CFHR4: variants seen among roughly 807,000 people sequenced by gnomAD.
CFHR4 encodes the protein complement factor H-related protein 4.
CFHR4 carries 64 observed loss-of-function variants against 69.3 expected under a neutral mutation model. The observed-to-expected ratio is 0.92, with a 90% CI of 0.76 to 1.14. CFHR4 has a LOEUF of 1.14. Among genes scored for constraint, CFHR4 ranks in the 50% most tolerant of loss-of-function variants. The probability of loss-of-function intolerance (pLI) is 0.00; values close to 1 mark genes in which losing one functional copy is unlikely to be tolerated. For synonymous variants in CFHR4, 244 were observed against 237.0 expected (o/e 1.03, Z -0.27); for missense variants, 636 against 684.9 (o/e 0.93, Z 0.80).
intron 1 of CFHR4, among the ~76,000 whole-genome samples, chr1:196,893,268 A>C (rs1346383821): frequency 3.3e-5 from 5 of 151,722 alleles, no homozygotes; most frequent in African/African-American, 1.2e-4. Flanking sequence ...ATTTCAAAAC[A>C]CTTACGAAGG....
intron 1 of CFHR4, among the ~76,000 whole-genome samples, chr1:196,899,083 G>C (rs1233770310): frequency 6.6e-6 from 1 of 151,628 alleles, no homozygotes; most frequent in Non-Finnish European, 1.5e-5. Flanking sequence ...CTATTTTGAG[G>C]AAGGAGTATT....
chr1:196,902,998 A>C, intron 2 of CFHR4, among the ~76,000 whole-genome samples: 1 of 151,610 alleles, frequency 6.6e-6, no homozygotes, highest in South Asian at 2.1e-4. Flanking sequence ...ATTTTGATCA[A>C]ATTCATGTCT....
chr1:196,890,915 C>T (rs1481396233), intron 1 of CFHR4, among the ~76,000 whole-genome samples: 1 of 151,464 alleles, frequency 6.6e-6, no homozygotes, highest in Admixed American at 6.6e-5. Flanking sequence ...TAGAAATGAA[C>T]CTAAACTATG....
rs184203387 is a variant in CFHR4 at position 196,917,867 on chromosome 1, C to T, written c.1541-343C>T. 1.6e-3 allele frequency among the ~76,000 whole-genome samples: 241 copies of T among 151,580 alleles called. 6 individuals carry two copies. Among genetic ancestry groups the T allele is most frequent in the African/African-American group, 5.4e-3 (223 of 41,122 alleles). Reference sequence around the variant, plus strand: ...AAATGGGGGAAAGGAGGATAAGTAACCATGACTCCAGTGGAACATGTTAGC... The same window carrying T: ...AAATGGGGGAAAGGAGGATAAGTAATCATGACTCCAGTGGAACATGTTAGC... On this transcript the variant is annotated intron_variant, in intron 9 of 9. Coordinates refer to ENST00000608469, the MANE Select transcript of CFHR4 (RefSeq NM_001201550.3).
intron 5 of CFHR4, 89 bp from the exon 6 acceptor site, chr1:196,910,192 G>A: frequency 2.9e-6 from 2 of 696,982 alleles, no homozygotes; most frequent in East Asian, 3.1e-5. Flanking sequence ...ACATTATTTG[G>A]AAGGTAACAT....
intron 8 of CFHR4, 52 bp from the exon 9 acceptor site, chr1:196,914,904 G>A: frequency 1.9e-6 from 3 of 1,579,476 alleles, no homozygotes; most frequent in South Asian, 2.3e-5. Context: ...TATTTAGAAA[G>A]TTTCCAATAA....
chr1:196,914,599 A>T lies in CFHR4; in HGVS notation c.1285A>T (p.Ile429Phe). 1.2e-6 allele frequency: 2 copies of T among 1,612,042 alleles called. No homozygotes were observed. Among genetic ancestry groups the T allele is most frequent in the Non-Finnish European group, 1.7e-6 (2 of 1,179,246 alleles). ...CTACGAATGCTACGATGGATATGAA[A>T]TCAGTTATGGAAACACCACAGGTTC... ...LDYECYDGYE[I>F]SYGNTTGSIV... The change falls in exon 8 of 10, where the codon ATC (isoleucine) becomes TTC (phenylalanine). Residue 429 changes from isoleucine (I) to phenylalanine (F), a missense_variant. Coordinates refer to ENST00000608469, the MANE Select transcript of CFHR4 (RefSeq NM_001201550.3).
At position 196,912,800 on chromosome 1, in the gene CFHR4, T is replaced by C; in HGVS notation, c.1058T>C (p.Ile353Thr). The change falls in exon 7 of 10, where the codon ATT becomes ACT. Residue 353 changes from isoleucine to threonine, a missense_variant. By Grantham distance (89) the Ile-to-Thr change is moderately conservative. Transcript: ENST00000608469. ...ENGFISESSS[I>T]YILNKEIQYK... ...GGATTCATTTCTGAATCTTCCTCTA[T>C]TTATATTTTAAATAAAGAAATACAA... 1.3e-6 allele frequency: 2 copies of C among 1,598,590 alleles called. No individual in the cohort carries two copies. Among genetic ancestry groups the C allele is most frequent in the South Asian group, 2.3e-5 (2 of 87,800 alleles).
intron 1 of CFHR4, among the ~76,000 whole-genome samples, chr1:196,896,838 T>C (rs1052078047): frequency 1.3e-5 from 2 of 151,672 alleles, no homozygotes; most frequent in African/African-American, 4.9e-5. Context: ...AGATTTCTTT[T>C]TCTATATTTC....
chr1:196,895,888 CCTT>C (rs1355197341), intron 1 of CFHR4, among the ~76,000 whole-genome samples: 1 of 151,558 alleles, frequency 6.6e-6, no homozygotes, highest in East Asian at 1.9e-4. Context: ...AGATTCTCCT[CCTT>C]CTACATGTTT....
At chr1:196,900,720 C>A (rs535769684) in intron 1 of CFHR4, among the ~76,000 whole-genome samples, 1 of 151,196 alleles carries the variant, frequency 6.6e-6, no homozygotes, top group Non-Finnish European at 1.5e-5. Context: ...ATGAAATTTG[C>A]AAAGTTCAAA....
At chr1:196,891,648 T>A (rs936810635) in intron 1 of CFHR4, among the ~76,000 whole-genome samples, 1 of 151,302 alleles carries the variant, frequency 6.6e-6, no homozygotes, top group African/African-American at 2.5e-5. Flanking sequence ...TAAGATTTCA[T>A]AACAAATAGA....
intron 6 of CFHR4, among the ~76,000 whole-genome samples, chr1:196,911,079 C>T (rs568608322): frequency 5.9e-5 from 9 of 151,554 alleles, no homozygotes; most frequent in East Asian, 1.9e-4. Flanking sequence ...CAGATGCATT[C>T]GTGTCAGTTA....
Position 196,907,045 on chromosome 1 carries a change from T to C in CFHR4, c.616+8T>C. 1 of 1,600,108 alleles carries C rather than the reference T, an allele frequency of 6.2e-7. No individual in the cohort carries two copies. The highest frequency in any genetic ancestry group is 8.5e-7 in the Non-Finnish European group (1 of 1,172,484). ...ATTTGCCAACATGCTATAGTAAGTA[T>C]TTTATTCAAGTATTTCTTTTTACTA... On this transcript the variant is annotated splice_region_variant and intron_variant, in intron 4 of 9. Coordinates refer to ENST00000608469, the MANE Select transcript of CFHR4 (RefSeq NM_001201550.3).
intron 1 of CFHR4, among the ~76,000 whole-genome samples, chr1:196,901,309 ATCTAT>A (rs1169584773): frequency 6.6e-6 from 1 of 151,464 alleles, no homozygotes; most frequent in African/African-American, 2.4e-5. Context: ...TAGGCCAAGA[ATCTAT>A]ACCTAGAGAA....
At chr1:196,900,210 C>T (rs939016396) in intron 1 of CFHR4, among the ~76,000 whole-genome samples, 1 of 150,942 alleles carries the variant, frequency 6.6e-6, no homozygotes, top group Non-Finnish European at 1.5e-5. Context: ...GTGATAGAAC[C>T]ATCATAACTG....
intron 1 of CFHR4, among the ~76,000 whole-genome samples, chr1:196,899,546 T>C (rs1182394715): frequency 6.6e-6 from 1 of 151,580 alleles, no homozygotes; most frequent in Non-Finnish European, 1.5e-5. Flanking sequence ...CCTCCCACCT[T>C]GGCCTCCCAA....
chr1:196,893,573 A>T (rs1657140425), intron 1 of CFHR4, among the ~76,000 whole-genome samples: 1 of 151,504 alleles, frequency 6.6e-6, no homozygotes, highest in Non-Finnish European at 1.5e-5. Flanking sequence ...TTAATTTTTG[A>T]CTTAAGCTCA....
rs555226634 is a variant in CFHR4 at position 196,896,139 on chromosome 1, A to T, written c.59-6279A>T. On this transcript the variant is annotated intron_variant, in intron 1 of 9. Transcript: ENST00000608469. Reference sequence around the variant, plus strand: ...AAAATATTCTTTTTGTGGAAAACTGAACTTTTTAATCTAATAATGGGTAAC... The same window carrying T: ...AAAATATTCTTTTTGTGGAAAACTGTACTTTTTAATCTAATAATGGGTAAC... 1.7e-3 allele frequency among the ~76,000 whole-genome samples: 257 copies of T among 147,480 alleles called. 5 individuals are homozygous for T. Among genetic ancestry groups the T allele is most frequent in the African/African-American group, 6.3e-3 (250 of 39,500 alleles).
Sources: gnomAD v4.1 joint callset for allele counts (sites outside exome capture counted in the v4.1 genomes callset) on GRCh38, gnomAD v4.1.1 for gene constraint, MANE v1.5 for transcripts, NCBI Gene and HGNC (gene_info 2026-07-23, HGNC 2026-07-21) for gene names.